The following RAB3B variants were observed in gnomAD, a reference collection of about 807,000 sequenced individuals.
The protein encoded by RAB3B is ras-related protein Rab-3B.
A neutral mutation model predicts 20.5 loss-of-function variants in RAB3B; 11 were observed. The observed-to-expected ratio is 0.54, with a 90% CI of 0.34 to 0.89. The LOEUF (loss-of-function observed/expected upper bound fraction) is 0.89. RAB3B is among the 40% of genes least tolerant of loss of function. RAB3B has a pLI of 0.02. For missense variants in RAB3B, 225 were observed against 280.9 expected (o/e 0.80, Z 1.42); for synonymous variants, 99 against 106.3 (o/e 0.93, Z 0.42).
At chr1:51,943,357 C>T (rs1376027600) in intron 2 of RAB3B, among the ~76,000 whole-genome samples, 1 of 151,780 alleles carries the variant, frequency 6.6e-6, no homozygotes, top group Non-Finnish European at 1.5e-5. Context: ...GCACTCCAGC[C>T]TGGGTGACAG....
chr1:51,923,271 G>C (rs969530756), intron 4 of RAB3B, among the ~76,000 whole-genome samples: 7 of 152,138 alleles, frequency 4.6e-5, no homozygotes, highest in African/African-American at 1.7e-4. Flanking sequence ...CTTGTCTCAC[G>C]CTCAGTTGGA....
intron 2 of RAB3B, among the ~76,000 whole-genome samples, chr1:51,938,149 T>C (rs993927815): frequency 1.3e-5 from 2 of 151,908 alleles, no homozygotes; most frequent in African/African-American, 4.8e-5. Flanking sequence ...TAAGGTTTTG[T>C]GCCACTGTGC....
Position 51,916,252 on chromosome 1 carries a change from A to G in RAB3B, c.*3675T>C, listed in dbSNP as rs1403198675. The G allele has an allele frequency of 2.0e-5, 3 of 152,202 alleles. No homozygotes were observed. The highest frequency in any genetic ancestry group is 3.8e-4 in the East Asian group (2 of 5,196). The allele number at this position is 152,202 out of a possible 1,614,324, so 9.4% of individuals were successfully genotyped here. A position where few individuals can be genotyped will look rare whatever the true frequency, so the allele number is the denominator to read the frequency against. ...TTGCCCAGTAGACAAGCTTGCCACTATAACATTTAACTCTTGATTCCATCT... is the reference window on the plus strand; with the variant it reads ...TTGCCCAGTAGACAAGCTTGCCACTGTAACATTTAACTCTTGATTCCATCT... On this transcript the variant is annotated 3_prime_UTR_variant, in exon 5 of 5. Transcript: ENST00000371655.
At chr1:51,970,105 A>G (rs1195765600) in intron 2 of RAB3B, among the ~76,000 whole-genome samples, 1 of 151,810 alleles carries the variant, frequency 6.6e-6, no homozygotes, top group Admixed American at 6.6e-5. Flanking sequence ...AAACAAACAA[A>G]CAAACAAACA....
chr1:51,981,380 G>T (rs1427172171), intron 1 of RAB3B, among the ~76,000 whole-genome samples: 1 of 152,204 alleles, frequency 6.6e-6, no homozygotes, highest in South Asian at 2.1e-4. Context: ...AAACCTAAAG[G>T]TTTACACTGA....
chr1:51,953,084 G>A (rs1411855441), intron 2 of RAB3B, among the ~76,000 whole-genome samples: 6 of 152,248 alleles, frequency 3.9e-5, no homozygotes, highest in South Asian at 2.1e-4. Context: ...TACCCCACAC[G>A]CATCTGGGCA....
intron 4 of RAB3B, among the ~76,000 whole-genome samples, chr1:51,927,141 A>G (rs1490531945): frequency 6.6e-6 from 1 of 152,164 alleles, no homozygotes; most frequent in African/African-American, 2.4e-5. Flanking sequence ...TCCTTGGTTC[A>G]TCTCAATCTA....
chr1:51,960,395 G>T (rs964484753), intron 2 of RAB3B, among the ~76,000 whole-genome samples: 4 of 152,134 alleles, frequency 2.6e-5, no homozygotes, highest in African/African-American at 4.8e-5. Context: ...CAGCCATCTG[G>T]GCCTCAGCAC....
At chr1:51,938,394 T>C (rs17395671) in intron 2 of RAB3B, among the ~76,000 whole-genome samples, 5,484 of 152,238 alleles carry the variant, frequency 0.036, 125 homozygotes, top group South Asian at 0.089. Context: ...CAGACAAATA[T>C]GTATGTACAA....
chr1:51,954,727 G>A (rs950718354), intron 2 of RAB3B, among the ~76,000 whole-genome samples: 1 of 152,152 alleles, frequency 6.6e-6, no homozygotes, highest in African/African-American at 2.4e-5. Flanking sequence ...AAAGCAAGCA[G>A]TTCCATTTTC....
At chr1:51,929,854 C>T (rs1214513536) in intron 4 of RAB3B, among the ~76,000 whole-genome samples, 1 of 152,206 alleles carries the variant, frequency 6.6e-6, no homozygotes, top group African/African-American at 2.4e-5. Flanking sequence ...GTTTGTTCAT[C>T]ATTCATTATA....
chr1:51,943,205 G>A lies in RAB3B; in HGVS notation c.229-5793C>T, dbSNP rs191957768. Among the ~76,000 whole-genome samples, 12 of 152,182 alleles carry A rather than the reference G, an allele frequency of 7.9e-5. 1 individual carries two copies. The South Asian group carries it at 1.2e-3, about 16-fold the overall frequency. On this transcript the variant is annotated intron_variant, in intron 2 of 4. Coordinates refer to ENST00000371655, the MANE Select transcript of RAB3B (RefSeq NM_002867.4). ...TTGAGACCAGCCTGGTCAACATGGCGAAATCCTGTCTCTACTAAAAATACA... is the reference window on the plus strand; with the variant it reads ...TTGAGACCAGCCTGGTCAACATGGCAAAATCCTGTCTCTACTAAAAATACA...
At chr1:51,963,751 C>T (rs907954064) in intron 2 of RAB3B, among the ~76,000 whole-genome samples, 11 of 152,262 alleles carry the variant, frequency 7.2e-5, no homozygotes, top group African/African-American at 2.6e-4. Context: ...GAACCCCAAG[C>T]TGCACCTGTG....
chr1:51,977,035 A>G lies in RAB3B; in HGVS notation c.83T>C (p.Ile28Thr). ...NFDYMFKLLI[I>T]GNSSVGKTSF... Reference sequence around the variant, plus strand: ...GGTCTTGCCAACACTGCTGTTGCCAATGATAAGCAGTTTAAACATGTAGTC... The same window carrying G: ...GGTCTTGCCAACACTGCTGTTGCCAGTGATAAGCAGTTTAAACATGTAGTC... The change falls in exon 2 of 5, where the codon ATT (isoleucine) becomes ACT (threonine). Residue 28 changes from isoleucine (I) to threonine (T), a missense_variant. By Grantham distance (89) the Ile-to-Thr change is moderately conservative. Coordinates refer to ENST00000371655, the MANE Select transcript of RAB3B (RefSeq NM_002867.4). 3 of 1,614,192 alleles carry G rather than the reference A, an allele frequency of 1.9e-6. No homozygotes were observed. Among genetic ancestry groups the G allele is most frequent in the Admixed American group, 1.7e-5 (1 of 60,028 alleles).
intron 1 of RAB3B, among the ~76,000 whole-genome samples, chr1:51,989,851 C>T (rs1374297207): frequency 2.6e-5 from 4 of 151,140 alleles, no homozygotes; most frequent in African/African-American, 9.7e-5. Flanking sequence ...CGGTCCCCAG[C>T]CGGGCTCAAC....
In RAB3B at chr1:51,929,330, C is replaced by CTTTTTTTTTTTTT. The variant is rs956055193; in HGVS notation, c.472+3987_472+3988insAAAAAAAAAAAAA. Among the ~76,000 whole-genome samples, 362 of 151,004 alleles carry CTTTTTTTTTTTTT rather than the reference C, an allele frequency of 2.4e-3. 9 individuals are homozygous for CTTTTTTTTTTTTT. The South Asian group carries it at 0.05, about 21-fold the overall frequency. On this transcript the variant is annotated intron_variant, in intron 4 of 4. Coordinates refer to ENST00000371655, the MANE Select transcript of RAB3B (RefSeq NM_002867.4). ...TTACAGGAGCTAATACATTCTCTCC[C>CTTTTTTTTTTTTT]TTTTTTTTTCTTTTTGAGATGGAGT...
At position 51,916,116 on chromosome 1, in the gene RAB3B, G is replaced by A. The variant is rs572999846; in HGVS notation, c.*3811C>T. On this transcript the variant is annotated 3_prime_UTR_variant, in exon 5 of 5. Transcript: ENST00000371655. Reference sequence around the variant, plus strand: ...GGCTAATTGCGCTATTACTGTGATTGATGAACACTATGCTGCAATCAGCTG... The same window carrying A: ...GGCTAATTGCGCTATTACTGTGATTAATGAACACTATGCTGCAATCAGCTG... The A allele has an allele frequency of 6.6e-6, 1 of 152,260 alleles. No homozygotes were observed. The highest frequency in any genetic ancestry group is 1.5e-5 in the Non-Finnish European group (1 of 68,058). 9.4% of individuals were successfully genotyped at this position (152,260 alleles called of 1,614,324 possible).
At chr1:51,989,208 T>TTGTGTGTGTGTGTGTGTGTGTG (rs60661761) in intron 1 of RAB3B, among the ~76,000 whole-genome samples, 18 of 99,870 alleles carry the variant, frequency 1.8e-4, no homozygotes, top group African/African-American at 6.9e-4. Context: ...CCATCTTGTT[T>TTGTGTGTGTGTGTGTGTGTGTG]TGTGTGTGTG....
chr1:51,965,934 C>G (rs1684845809), intron 2 of RAB3B, among the ~76,000 whole-genome samples: 1 of 152,090 alleles, frequency 6.6e-6, no homozygotes, highest in Non-Finnish European at 1.5e-5. Flanking sequence ...TTCTATAAAC[C>G]TAAAATTACC....
Sources: gnomAD v4.1 joint callset for allele counts (sites outside exome capture counted in the v4.1 genomes callset) on GRCh38, gnomAD v4.1.1 for gene constraint, MANE v1.5 for transcripts, NCBI Gene and HGNC (gene_info 2026-07-23, HGNC 2026-07-21) for gene names.